GDAP2: variants seen among roughly 807,000 people sequenced by gnomAD.
GDAP2 encodes the protein ganglioside induced differentiation associated protein 2, also known as ganglioside-induced differentiation-associated protein 2.
A neutral mutation model predicts 67.0 loss-of-function variants in GDAP2; 51 were observed. The ratio of observed to expected loss-of-function variants is 0.76; its 90% confidence interval spans 0.61 to 0.96. The LOEUF (loss-of-function observed/expected upper bound fraction) is 0.96. GDAP2 is among the 40% of genes least tolerant of loss of function. The pLI is 0.00. For missense variants in GDAP2, 547 were observed against 588.3 expected (o/e 0.93, Z 0.73); for synonymous variants, 203 against 207.3 (o/e 0.98, Z 0.18).
chr1:117,895,502 C>G (rs1268792536), intron 8 of GDAP2, among the ~76,000 whole-genome samples: 1 of 152,096 alleles, frequency 6.6e-6, no homozygotes, highest in Non-Finnish European at 1.5e-5. Context: ...AACAAAAGCT[C>G]TCTGGGGTCC....
At chr1:117,886,861 C>T (rs566219978) in intron 9 of GDAP2, among the ~76,000 whole-genome samples, 2 of 152,104 alleles carry the variant, frequency 1.3e-5, no homozygotes, top group South Asian at 4.2e-4. Context: ...TGATCACTGC[C>T]CTTTTAAGAG....
intron 8 of GDAP2, among the ~76,000 whole-genome samples, chr1:117,890,100 T>C (rs1477413856): frequency 6.6e-6 from 1 of 152,078 alleles, no homozygotes; most frequent in East Asian, 1.9e-4. Flanking sequence ...AAAATTAACT[T>C]TGTAATAAGA....
chr1:117,885,229 T>C (rs1423001484), intron 10 of GDAP2, among the ~76,000 whole-genome samples: 1 of 152,110 alleles, frequency 6.6e-6, no homozygotes, highest in Non-Finnish European at 1.5e-5. Flanking sequence ...ATCTTCTTTC[T>C]GTCCATTCTC....
At chr1:117,879,471 T>C (rs1168563187) in intron 12 of GDAP2, among the ~76,000 whole-genome samples, 3 of 152,118 alleles carry the variant, frequency 2.0e-5, no homozygotes, top group Admixed American at 2.0e-4. Context: ...CTAAGAATGA[T>C]AATGATGATG....
chr1:117,881,746 G>A (rs1386545692), intron 12 of GDAP2, 77 bp downstream of exon 12: 61 of 794,182 alleles, frequency 7.7e-5, no homozygotes, highest in Non-Finnish European at 1.3e-5. Flanking sequence ...CAATTAAGTT[G>A]CTGAGCTATT....
At chr1:117,898,007 G>A (rs991199638) in intron 7 of GDAP2, among the ~76,000 whole-genome samples, 12 of 152,118 alleles carry the variant, frequency 7.9e-5, no homozygotes, top group African/African-American at 2.7e-4. Context: ...ATTTAAGAAT[G>A]CTAAGGCCTA....
chr1:117,878,280 C>T (rs555052725), intron 12 of GDAP2, 128 bp from the exon 13 acceptor site: 24 of 519,410 alleles, frequency 4.6e-5, no homozygotes, highest in South Asian at 1.1e-4. Context: ...GTTTTCAAAG[C>T]GCAATCTGAA....
chr1:117,926,332 T>C (rs1282256337), intron 1 of GDAP2, among the ~76,000 whole-genome samples: 1 of 152,232 alleles, frequency 6.6e-6, no homozygotes, highest in Non-Finnish European at 1.5e-5. Context: ...TTTGACATTA[T>C]ACCCTGGTGG....
At chr1:117,911,275 G>C (rs1649847768) in intron 5 of GDAP2, among the ~76,000 whole-genome samples, 1 of 152,138 alleles carries the variant, frequency 6.6e-6, no homozygotes, top group Non-Finnish European at 1.5e-5. Context: ...GTGACATACA[G>C]GCATTTGGCT....
chr1:117,875,821 AT>A (rs1648436363), intron 13 of GDAP2, among the ~76,000 whole-genome samples: 1 of 152,136 alleles, frequency 6.6e-6, no homozygotes, highest in Non-Finnish European at 1.5e-5. Context: ...TGTTCCTCTT[AT>A]TCCTCCCTTT....
chr1:117,915,255 T>C (rs1650009207), intron 3 of GDAP2, among the ~76,000 whole-genome samples: 1 of 152,136 alleles, frequency 6.6e-6, no homozygotes, highest in Non-Finnish European at 1.5e-5. Flanking sequence ...AAATACAAAC[T>C]AAATGGCACC....
At position 117,886,618 on chromosome 1, in the gene GDAP2, C is replaced by A; in HGVS notation, c.1066G>T (p.Val356Phe). The change falls in exon 10 of 14, where the codon GTT becomes TTT. Residue 356 changes from valine to phenylalanine, a missense_variant. By Grantham distance (50) the Val-to-Phe change is conservative (BLOSUM62 -1). Coordinates refer to ENST00000369443, the MANE Select transcript of GDAP2 (RefSeq NM_017686.4). ...DNCGRTVMVV[V>F]GRNIPVTLID... The stretch of plus-strand genomic sequence containing the variant: ...AATGTTACAGGAATGTTTCTTCCAA[C>A]TACCACCATCACTGTTCGACCACAG... 1 of 1,592,500 alleles carries A rather than the reference C, an allele frequency of 6.3e-7. No homozygotes were observed. Among genetic ancestry groups the A allele is most frequent in the Non-Finnish European group, 8.6e-7 (1 of 1,160,540 alleles).
At chr1:117,913,530 T>C (rs1464019046) in intron 3 of GDAP2, 1 of 152,164 alleles carries the variant, frequency 6.6e-6, no homozygotes, top group Admixed American at 6.6e-5. Context: ...TAAAGTGTTA[T>C]ACTTAACAGT....
At position 117,920,272 on chromosome 1, in the gene GDAP2, G is replaced by A; in HGVS notation, c.86C>T (p.Ser29Phe). The A allele has an allele frequency of 6.2e-7, 1 of 1,607,276 alleles. No individual in the cohort carries two copies. Among genetic ancestry groups the A allele is most frequent in the African/African-American group, 1.3e-5 (1 of 74,918 alleles). Residue 29 changes from serine (S) to phenylalanine (F), a missense_variant, in exon 2 of 14, where the codon TCC (serine) becomes TTC (phenylalanine). Coordinates refer to ENST00000369443, the MANE Select transcript of GDAP2 (RefSeq NM_017686.4). The part of the protein sequence containing the change: ...WGDSCQDELN[S>F]SDTTAEIFQE... ...AAATATTTCAGCTGTAGTATCAGAG[G>A]AATTTAATTCATCTTGGCATGAGTC... is the stretch of plus-strand genomic sequence containing the variant.
At chr1:117,924,665 T>C (rs777135108) in intron 1 of GDAP2, among the ~76,000 whole-genome samples, 1 of 152,190 alleles carries the variant, frequency 6.6e-6, no homozygotes, top group Non-Finnish European at 1.5e-5. Flanking sequence ...TATATAACAA[T>C]TTCAGAAAGG....
At chr1:117,927,189 G>A (rs982549839) in intron 1 of GDAP2, among the ~76,000 whole-genome samples, 6 of 151,992 alleles carry the variant, frequency 3.9e-5, no homozygotes, top group Non-Finnish European at 7.4e-5. Context: ...AAATGGTGCA[G>A]TGTAAACAGC....
chr1:117,919,924 GA>G (rs1327468436), intron 2 of GDAP2, among the ~76,000 whole-genome samples: 4 of 150,978 alleles, frequency 2.6e-5, no homozygotes, highest in Non-Finnish European at 4.4e-5. Context: ...CAAAGGAACA[GA>G]AAAAAAAACT....
intron 12 of GDAP2, among the ~76,000 whole-genome samples, chr1:117,881,045 C>G (rs897746171): frequency 6.6e-6 from 1 of 152,098 alleles, no homozygotes; most frequent in African/African-American, 2.4e-5. Flanking sequence ...TAAAGAGCTC[C>G]TTACTGACGG....
intron 1 of GDAP2, among the ~76,000 whole-genome samples, chr1:117,925,283 T>C (rs1384333305): frequency 6.6e-6 from 1 of 151,942 alleles, no homozygotes; most frequent in African/African-American, 2.4e-5. Flanking sequence ...TGAGACCCCA[T>C]TTCTACAAGA....
Sources: gnomAD v4.1 joint callset for allele counts (sites outside exome capture counted in the v4.1 genomes callset) on GRCh38, gnomAD v4.1.1 for gene constraint, MANE v1.5 for transcripts, NCBI Gene and HGNC (gene_info 2026-07-23, HGNC 2026-07-21) for gene names.